The following MPP7 variants were observed in gnomAD, a reference collection of about 807,000 sequenced individuals.
The protein encoded by MPP7 is MAGUK p55 subfamily member 7.
A neutral mutation model predicts 76.5 loss-of-function variants in MPP7; 60 were observed. That is an observed-to-expected ratio of 0.78 (90% CI 0.64 to 0.97). The LOEUF (loss-of-function observed/expected upper bound fraction) is 0.97. MPP7 is among the 50% of genes least tolerant of loss of function. MPP7 has a pLI of 0.00. For synonymous variants in MPP7, 237 were observed against 244.5 expected (o/e 0.97, Z 0.29); for missense variants, 641 against 694.0 (o/e 0.92, Z 0.86).
intron 12 of MPP7, among the ~76,000 whole-genome samples, chr10:28,075,733 C>T (rs1052356381): frequency 2.0e-5 from 3 of 152,178 alleles, no homozygotes; most frequent in African/African-American, 7.2e-5. Context: ...GAAATATTCT[C>T]TGACACTTTA....
intron 2 of MPP7, among the ~76,000 whole-genome samples, chr10:28,328,716 T>C (rs1177486638): frequency 6.6e-6 from 1 of 152,202 alleles, no homozygotes; most frequent in African/African-American, 2.4e-5. Context: ...CTTTTAGTTA[T>C]ATTTGCAGCG....
intron 2 of MPP7, among the ~76,000 whole-genome samples, chr10:28,233,544 T>TA (rs75116907): frequency 0.064 from 9,389 of 145,656 alleles, 424 homozygotes; most frequent in African/African-American, 0.12. Context: ...CCGTCTCTAT[T>TA]AAAAAAAAAC....
Position 28,059,034 on chromosome 10 carries a change from T to A in MPP7, c.1299-431A>T, listed in dbSNP as rs552852208. ...AGCCAGGGCAGTCGATCATGTGCTA[T>A]AAAAACACAATCACTGCGCCAAACA... On this transcript the variant is annotated intron_variant, in intron 14 of 16. Coordinates refer to ENST00000683449, the MANE Select transcript of MPP7 (RefSeq NM_001318170.2). Among the ~76,000 whole-genome samples the A allele has an allele frequency of 7.2e-5, 11 of 152,296 alleles. No individual in the cohort carries two copies. The South Asian group carries it at 2.1e-3, about 29-fold the overall frequency.
intron 4 of MPP7, among the ~76,000 whole-genome samples, chr10:28,149,081 T>C (rs1056905744): frequency 6.6e-6 from 1 of 152,222 alleles, no homozygotes; most frequent in African/African-American, 2.4e-5. Context: ...TGCAAATTTA[T>C]TACATATGTG....
chr10:28,098,848 A>C (rs1398760092), intron 11 of MPP7, among the ~76,000 whole-genome samples: 2 of 151,970 alleles, frequency 1.3e-5, no homozygotes, highest in Admixed American at 6.6e-5. Flanking sequence ...TAAGAATATA[A>C]TATAAGAAGT....
chr10:28,264,583 T>C (rs1840086253), intron 1 of MPP7, among the ~76,000 whole-genome samples: 1 of 151,700 alleles, frequency 6.6e-6, no homozygotes, highest in Non-Finnish European at 1.5e-5. Flanking sequence ...CTTTTTTTTT[T>C]TTTTTAAATA....
At chr10:28,243,118 A>G (rs2132784987) in intron 1 of MPP7, among the ~76,000 whole-genome samples, 1 of 152,194 alleles carries the variant, frequency 6.6e-6, no homozygotes, top group South Asian at 2.1e-4. Context: ...AAGACAAACT[A>G]TGGTTATTCA....
At chr10:28,264,061 C>T (rs1485881615) in intron 1 of MPP7, among the ~76,000 whole-genome samples, 1 of 152,088 alleles carries the variant, frequency 6.6e-6, no homozygotes, top group Non-Finnish European at 1.5e-5. Context: ...CTTTGGGAGG[C>T]CGAGGCAGGA....
At chr10:28,290,927 C>T (rs1448409471) in intron 1 of MPP7, among the ~76,000 whole-genome samples, 1 of 152,152 alleles carries the variant, frequency 6.6e-6, no homozygotes, top group Non-Finnish European at 1.5e-5. Context: ...ATTAACAGTA[C>T]ATGGACAATA....
At chr10:28,127,378 T>G (rs572299038) in intron 6 of MPP7, among the ~76,000 whole-genome samples, 11 of 152,190 alleles carry the variant, frequency 7.2e-5, no homozygotes, top group Non-Finnish European at 1.2e-4. Flanking sequence ...TTACATACAT[T>G]ATACAGTATG....
intron 11 of MPP7, among the ~76,000 whole-genome samples, chr10:28,093,983 T>A (rs1276786065): frequency 6.6e-6 from 1 of 152,200 alleles, no homozygotes; most frequent in African/African-American, 2.4e-5. Flanking sequence ...TTTCATCTGC[T>A]TCATGTAAAT....
intron 12 of MPP7, among the ~76,000 whole-genome samples, chr10:28,070,594 A>G (rs1022504863): frequency 2.6e-5 from 4 of 152,228 alleles, no homozygotes; most frequent in African/African-American, 9.6e-5. Flanking sequence ...ACATCTGCTA[A>G]ACAATCAGCC....
At chr10:28,121,811 T>C (rs1232669444) in intron 8 of MPP7, among the ~76,000 whole-genome samples, 1 of 140,806 alleles carries the variant, frequency 7.1e-6, no homozygotes, top group Non-Finnish European at 1.5e-5. Flanking sequence ...CTCCATTTAT[T>C]TAAAAAAAAA....
chr10:28,109,156 T>C (rs1296915000), intron 11 of MPP7, among the ~76,000 whole-genome samples: 1 of 151,980 alleles, frequency 6.6e-6, no homozygotes, highest in Non-Finnish European at 1.5e-5. Context: ...GGCGTGGTGG[T>C]GGGTGCCTGT....
At chr10:28,074,505 C>T (rs1462476101) in intron 12 of MPP7, among the ~76,000 whole-genome samples, 1 of 152,152 alleles carries the variant, frequency 6.6e-6, no homozygotes, top group Non-Finnish European at 1.5e-5. Context: ...GCAATGTTGG[C>T]CAGCTGGTCT....
chr10:28,088,638 G>A (rs1355086608), intron 12 of MPP7, among the ~76,000 whole-genome samples: 6 of 152,132 alleles, frequency 3.9e-5, no homozygotes, highest in African/African-American at 1.2e-4. Flanking sequence ...GTGTGAGAAT[G>A]TACTAACACT....
chr10:28,248,271 G>A (rs1839502237), intron 1 of MPP7, among the ~76,000 whole-genome samples: 1 of 152,070 alleles, frequency 6.6e-6, no homozygotes, highest in South Asian at 2.1e-4. Flanking sequence ...GAAATCTGAG[G>A]GCTAGAAGGG....
In MPP7 at chr10:28,281,017, C is replaced by A. The variant is rs115137282; in HGVS notation, c.-132+21844G>T. 8.1e-3 allele frequency among the ~76,000 whole-genome samples: 1,235 copies of A among 152,106 alleles called. 30 individuals are homozygous for A. The highest frequency in any genetic ancestry group is 0.028 in the African/African-American group (1,164 of 41,408). ...AATATGACAGGCTTTGAAAGGCAAA[C>A]TGAGTAATTTAGACTCAGTGTGGTA... On this transcript the variant is annotated intron_variant, in intron 1 of 16. Coordinates refer to ENST00000683449, the MANE Select transcript of MPP7 (RefSeq NM_001318170.2).
chr10:28,278,337 C>G (rs1016723686), intron 1 of MPP7, among the ~76,000 whole-genome samples: 4 of 152,080 alleles, frequency 2.6e-5, no homozygotes, highest in African/African-American at 9.7e-5. Context: ...AATATTGAGA[C>G]AGCCTGCTAA....
Sources: allele counts gnomAD v4.1 joint callset (sites outside exome capture counted in the v4.1 genomes callset), GRCh38; gene constraint gnomAD v4.1.1; transcripts MANE v1.5; gene names NCBI Gene and HGNC (gene_info 2026-07-23, HGNC 2026-07-21).